CSMD2: variants seen among roughly 807,000 people sequenced by gnomAD.
The protein encoded by CSMD2 is CUB and sushi domain-containing protein 2.
Under a neutral mutation model 398.5 loss-of-function variants are expected in CSMD2, and 130 were observed. The ratio of observed to expected loss-of-function variants is 0.33; its 90% CI spans 0.28 to 0.38. The LOEUF (loss-of-function observed/expected upper bound fraction) is 0.38, where lower values mean the gene tolerates loss of function less well. Ranked by LOEUF, CSMD2 falls within the 10% of genes least tolerant of loss-of-function variation. The pLI is 1.00. For synonymous variants in CSMD2, 1,828 were observed against 1,908.5 expected (o/e 0.96, Z 1.10); for missense variants, 3,829 against 4,764.9 (o/e 0.80, Z 5.78).
intron 22 of CSMD2, among the ~76,000 whole-genome samples, chr1:33,706,168 G>T (rs581379): frequency 0.9 from 136,998 of 152,188 alleles, 61,865 homozygotes; most frequent in African/African-American, 0.97. Context: ...TTATTAAATT[G>T]TTTTACATTT....
intron 3 of CSMD2, among the ~76,000 whole-genome samples, chr1:33,952,453 GT>G (rs1645035631): frequency 6.6e-6 from 1 of 152,114 alleles, no homozygotes; most frequent in Non-Finnish European, 1.5e-5. Flanking sequence ...ATTCATGATC[GT>G]TTTTCAGCAC....
chr1:34,134,109 G>A (rs1638463464), intron 1 of CSMD2, among the ~76,000 whole-genome samples: 1 of 145,454 alleles, frequency 6.9e-6, no homozygotes, highest in African/African-American at 2.6e-5. Context: ...CAAACAGGCA[G>A]AAATAGGAGG....
chr1:33,818,073 G>A (rs891999571), intron 9 of CSMD2, among the ~76,000 whole-genome samples: 2 of 152,228 alleles, frequency 1.3e-5, no homozygotes, highest in African/African-American at 4.8e-5. Context: ...TGAGAACTAA[G>A]AGAACAACCT....
At chr1:33,594,910 A>T (rs1639737432) in intron 44 of CSMD2, among the ~76,000 whole-genome samples, 1 of 152,256 alleles carries the variant, frequency 6.6e-6, no homozygotes, top group South Asian at 2.1e-4. Flanking sequence ...GAAGTATAGT[A>T]CAAAAATCTT....
chr1:33,660,327 C>CA (rs1553166274), intron 26 of CSMD2, among the ~76,000 whole-genome samples: 1 of 151,322 alleles, frequency 6.6e-6, no homozygotes, highest in African/African-American at 2.4e-5. Context: ...TCCCGCTCAC[C>CA]TTTTTTTTTG....
chr1:34,163,704 T>C lies in CSMD2; in HGVS notation c.187+1207A>G, dbSNP rs1171643856. 6.6e-6 allele frequency among the ~76,000 whole-genome samples: 1 copy of C among 152,080 alleles called. No homozygotes were observed. The highest frequency in any genetic ancestry group is 1.5e-5 in the Non-Finnish European group (1 of 68,006). ...AGAAAACACGGCTCCAGGTCGAAGG[T>C]GCCCTAGGTCTAGGCCTGGCCAGCA... On this transcript the variant is annotated intron_variant, in intron 1 of 70. Coordinates refer to ENST00000373381, the MANE Select transcript of CSMD2 (RefSeq NM_001281956.2). This position sits in a 1 kb window ranked among gnomAD's most constrained non-coding sequence, Gnocchi z 5.4.
rs533304147 is a variant in CSMD2 at position 33,727,511 on chromosome 1, A to C, written c.2369-826T>G. Among the ~76,000 whole-genome samples, 141 of 152,254 alleles carry C rather than the reference A, an allele frequency of 9.3e-4. 2 individuals are homozygous for C. In the Middle Eastern group the frequency reaches 0.014, roughly 15 times the overall value. ...GGCACATGATTGGATTTCACTGCCC[A>C]CCCCTTTTGAAGTTATGCAAGGTCA... On this transcript the variant is annotated intron_variant, in intron 15 of 70. Coordinates refer to ENST00000373381, the MANE Select transcript of CSMD2 (RefSeq NM_001281956.2).
intron 56 of CSMD2, among the ~76,000 whole-genome samples, chr1:33,546,805 C>T (rs1015466041): frequency 2.6e-5 from 4 of 151,964 alleles, no homozygotes; most frequent in African/African-American, 9.7e-5. Flanking sequence ...AAAGTCCAAA[C>T]TGCTTAGCAT....
At chr1:33,868,439 T>A (rs1351236634) in intron 5 of CSMD2, among the ~76,000 whole-genome samples, 1 of 151,874 alleles carries the variant, frequency 6.6e-6, no homozygotes, top group African/African-American at 2.4e-5. Context: ...GACAGACAAT[T>A]AAAAAAACAA....
chr1:34,142,923 ACTCTAT>A (rs1639438082), intron 1 of CSMD2, among the ~76,000 whole-genome samples: 2 of 151,984 alleles, frequency 1.3e-5, no homozygotes, highest in African/African-American at 4.8e-5. Context: ...CCACTGCTGG[ACTCTAT>A]CTAGGGCTGC....
rs143855610 is a variant in CSMD2, at chr1:33,641,571, C to G, written c.4775-5017G>C. 1.9e-3 allele frequency among the ~76,000 whole-genome samples: 286 copies of G among 152,304 alleles called. 11 individuals are homozygous for G. In the South Asian group the frequency reaches 0.05, roughly 27 times the overall value. ...GTAAAGCCACCCAGGAGGATGAATT[C>G]AGAATAGAAGTGCCTCTGATCAATG... On this transcript the variant is annotated intron_variant, in intron 29 of 70. Coordinates refer to ENST00000373381, the MANE Select transcript of CSMD2 (RefSeq NM_001281956.2).
At chr1:33,777,111 G>A (rs1014462726) in intron 12 of CSMD2, among the ~76,000 whole-genome samples, 8 of 152,126 alleles carry the variant, frequency 5.3e-5, no homozygotes, top group Non-Finnish European at 1.2e-4. Flanking sequence ...GAATGGCATC[G>A]GCGAGCAAGC....
Position 33,636,373 on chromosome 1 carries a change from C to T in CSMD2, c.4956G>A (p.Arg1652=), listed in dbSNP as rs545059374. The part of the protein sequence containing the change: ...PDGKPVWNNP[R]PVCTAPCGGQ... ...GGCTTCCACCACCTGTGCAGACTGG[C>T]CGGGGATTGTTCCACACGGGCTTCC... Residue 1652 remains arginine, a synonymous_variant, in exon 30 of 71, where the codon CGG becomes CGA. Transcript: ENST00000373381. This position sits in a 1 kb window ranked among gnomAD's most constrained non-coding sequence, Gnocchi z 4.8. 8.7e-6 allele frequency: 14 copies of T among 1,608,886 alleles called. No individual in the cohort carries two copies. The Middle Eastern group carries it at 5.0e-4, about 57-fold the overall frequency.
At chr1:33,831,536 G>A (rs1243695906) in intron 6 of CSMD2, among the ~76,000 whole-genome samples, 2 of 151,692 alleles carry the variant, frequency 1.3e-5, no homozygotes, top group Non-Finnish European at 2.9e-5. Flanking sequence ...AGGAACAAAT[G>A]GTACCAGCTG....
Position 34,026,856 on chromosome 1 carries a change from C to T in CSMD2, c.517+5738G>A, listed in dbSNP as rs1390556282. Among the ~76,000 whole-genome samples, 5 of 151,986 alleles carry T rather than the reference C, an allele frequency of 3.3e-5. No homozygotes were observed. The South Asian group carries it at 1.0e-3, about 32-fold the overall frequency. On this transcript the variant is annotated intron_variant, in intron 3 of 70. Coordinates refer to ENST00000373381, the MANE Select transcript of CSMD2 (RefSeq NM_001281956.2). ...GGGAAGATGCAGGCTTCCATGAACT[C>T]GGAGTGACACATGGCAAGCATCAGA... is the stretch of plus-strand genomic sequence containing the variant.
chr1:33,684,200 G>A (rs1322651223), intron 25 of CSMD2, among the ~76,000 whole-genome samples: 1 of 152,166 alleles, frequency 6.6e-6, no homozygotes, highest in African/African-American at 2.4e-5. Context: ...CACTGGGCAG[G>A]GGTCCTGGTT....
intron 53 of CSMD2, 34 bp downstream of exon 53, chr1:33,567,559 C>T (rs1272118904): frequency 6.2e-7 from 1 of 1,609,164 alleles, no homozygotes; most frequent in Admixed American, 1.7e-5. Context: ...TGAATCTGAG[C>T]CCCATGACTA....
intron 1 of CSMD2, among the ~76,000 whole-genome samples, chr1:34,091,712 G>A (rs1031190653): frequency 1.3e-5 from 2 of 152,150 alleles, no homozygotes; most frequent in Admixed American, 6.5e-5. Flanking sequence ...AATTAGGCAT[G>A]TAACCCTGAT....
chr1:33,881,908 T>G (rs1158461047), intron 5 of CSMD2, among the ~76,000 whole-genome samples: 1 of 152,216 alleles, frequency 6.6e-6, no homozygotes, highest in Non-Finnish European at 1.5e-5. Context: ...ATAATTTTAA[T>G]CCCCATGTGT....
Sources: gnomAD v4.1 joint callset for allele counts (sites outside exome capture counted in the v4.1 genomes callset) on GRCh38, gnomAD v4.1.1 for gene constraint, Gnocchi (gnomAD v3.1) non-coding constraint, MANE v1.5 for transcripts, NCBI Gene and HGNC (gene_info 2026-07-23, HGNC 2026-07-21) for gene names.